PKD1L3: variants seen among roughly 807,000 people sequenced by gnomAD.
The protein encoded by PKD1L3 is polycystin 1 like 3, transient receptor potential channel interacting.
A neutral mutation model predicts 184.1 loss-of-function variants in PKD1L3; 239 were observed. The ratio of observed to expected loss-of-function variants is 1.30; its 90% CI spans 1.17 to 1.45. PKD1L3 has a LOEUF of 1.45. Ranked by LOEUF, PKD1L3 falls within the 40% of genes most tolerant of loss-of-function variation. The pLI is 0.00. For synonymous variants in PKD1L3, 996 were observed against 778.8 expected, an observed-to-expected ratio of 1.28 and a Z score of -4.64; for missense variants, 2,660 against 2,067.2, an observed-to-expected ratio of 1.29 and a Z score of -5.56.
At chr16:71,955,563 G>C (rs976721823) in intron 16 of PKD1L3, among the ~76,000 whole-genome samples, 10 of 152,032 alleles carry the variant, frequency 6.6e-5, no homozygotes, top group Non-Finnish European at 1.5e-4. Flanking sequence ...TGAGATCTCA[G>C]CTCATTGCAA....
In PKD1L3 at chr16:71,952,980, C is replaced by T; in HGVS notation, c.2923G>A (p.Glu975Lys). The T allele has an allele frequency of 6.5e-7, 1 of 1,549,808 alleles. No individual in the cohort carries two copies. The highest frequency in any genetic ancestry group is 8.7e-7 in the Non-Finnish European group (1 of 1,146,286). The change falls in exon 18 of 30, where the codon GAG becomes AAG. Residue 975 changes from glutamate (E) to lysine (K), a missense_variant. Physicochemically the swap from Glu to Lys is moderately conservative, Grantham distance 56. Coordinates refer to ENST00000620267, the MANE Select transcript of PKD1L3 (RefSeq NM_181536.2). ...GRLFPLIEPQ[E>K]TLPLFPPIQA... Reference sequence around the variant, plus strand: ...ATGGGAGGAAAGAGGGGCAGAGTCTCCTGTGGCTCAATCAACGGGAAGAGC... The same window carrying T: ...ATGGGAGGAAAGAGGGGCAGAGTCTTCTGTGGCTCAATCAACGGGAAGAGC...
chr16:71,989,179 C>G (rs4788594), intron 4 of PKD1L3, among the ~76,000 whole-genome samples: 72,134 of 152,016 alleles, frequency 0.47, 18,740 homozygotes, highest in African/African-American at 0.68. Flanking sequence ...TTTTGAGATG[C>G]AGTCTCCCTC....
intron 26 of PKD1L3, among the ~76,000 whole-genome samples, chr16:71,934,615 G>T (rs935780470): frequency 2.6e-5 from 4 of 152,162 alleles, no homozygotes; most frequent in African/African-American, 9.7e-5. Flanking sequence ...AGAGGCGAGG[G>T]GTGTTGCTTA....
rs755487914 is a variant in PKD1L3, at chr16:71,934,023, A to G, written c.4716T>C (p.Arg1572=). ...LATVQLWNLL[R]HSPRLRVISR... is the part of the protein sequence containing the mutation. Reference sequence around the variant, plus strand: ...TGATGACCCGCAGCCTGGGGCTATGACGCAGCAGGTTCCATAACTGAACAG... The same window carrying G: ...TGATGACCCGCAGCCTGGGGCTATGGCGCAGCAGGTTCCATAACTGAACAG... The change falls in exon 27 of 30, where the codon CGT becomes CGC. Residue 1572 remains arginine, a synonymous_variant. Coordinates refer to ENST00000620267, the MANE Select transcript of PKD1L3 (RefSeq NM_181536.2). 3.5e-5 allele frequency: 54 copies of G among 1,551,658 alleles called. No individual in the cohort carries two copies. The highest frequency in any genetic ancestry group is 1.7e-4 in the Middle Eastern group (1 of 6,018).
chr16:71,936,392 A>G (rs946185906), intron 25 of PKD1L3, among the ~76,000 whole-genome samples: 2 of 151,676 alleles, frequency 1.3e-5, no homozygotes, highest in Non-Finnish European at 2.9e-5. Flanking sequence ...TAGTAGAGAC[A>G]GGGTTTCGCC....
chr16:71,986,277 G>A lies in PKD1L3; in HGVS notation c.778C>T (p.His260Tyr), dbSNP rs1007971640. 1.0e-5 allele frequency: 16 copies of A among 1,552,218 alleles called. No individual in the cohort carries two copies. Among genetic ancestry groups the A allele is most frequent in the Non-Finnish European group, 1.4e-5 (16 of 1,147,068 alleles). The part of the protein sequence containing the change: ...ETTSSPKEEG[H>Y]PNTFTSYLQV... ...AGATAAGAGGTGAAGGTATTCGGAT[G>A]ACCTTCTTCCTTTGGGCTTGAAGTT... Residue 260 changes from histidine to tyrosine, a missense_variant, in exon 5 of 30, where the codon CAT (histidine) becomes TAT (tyrosine). By Grantham distance (83) the His-to-Tyr change is moderately conservative. Transcript: ENST00000620267.
intron 16 of PKD1L3, among the ~76,000 whole-genome samples, chr16:71,959,775 G>A (rs775323292): frequency 2.6e-5 from 4 of 152,024 alleles, no homozygotes; most frequent in Non-Finnish European, 4.4e-5. Context: ...AACAAGAGGA[G>A]AAAGAGGAAA....
At chr16:71,930,449 C>G (rs902707810) in intron 28 of PKD1L3, 1 of 291,516 alleles carries the variant, frequency 3.4e-6, no homozygotes, top group Non-Finnish European at 6.3e-6. Flanking sequence ...GGAAATGATT[C>G]AAATGTCACA....
intron 26 of PKD1L3, among the ~76,000 whole-genome samples, chr16:71,934,450 A>C (rs2038104647): frequency 6.6e-6 from 1 of 152,110 alleles, no homozygotes; most frequent in African/African-American, 2.4e-5. Flanking sequence ...CTCTGAGCCA[A>C]ATCTCTCCTC....
At chr16:71,963,374 A>G (rs1373598907) in intron 15 of PKD1L3, 23 bp from the exon 16 acceptor site, 1 of 1,528,452 alleles carries the variant, frequency 6.5e-7, no homozygotes, top group Admixed American at 2.1e-5. Context: ...GAAGATAACC[A>G]CATTAGGGAG....
intron 12 of PKD1L3, among the ~76,000 whole-genome samples, chr16:71,970,558 A>T (rs1290428385): frequency 6.6e-6 from 1 of 152,216 alleles, no homozygotes; most frequent in African/African-American, 2.4e-5. Context: ...CTGTAATCCT[A>T]GCACTTTGGG....
At chr16:71,946,940 G>A (rs1213365271) in intron 22 of PKD1L3, among the ~76,000 whole-genome samples, 1 of 150,036 alleles carries the variant, frequency 6.7e-6, no homozygotes, top group Non-Finnish European at 1.5e-5. Flanking sequence ...GAGAGAGAGG[G>A]AGAGAGAGAT....
intron 2 of PKD1L3, among the ~76,000 whole-genome samples, chr16:71,995,629 C>T (rs527256142): frequency 1.3e-5 from 2 of 152,128 alleles, no homozygotes; most frequent in Non-Finnish European, 2.9e-5. Flanking sequence ...TTTTTACAAC[C>T]AGTTCCCTCT....
chr16:71,943,992 T>G (rs2143252326), intron 23 of PKD1L3, 38 bp downstream of exon 23: 1 of 1,523,866 alleles, frequency 6.6e-7, no homozygotes, highest in Admixed American at 2.2e-5. Flanking sequence ...CTGGAAAAGG[T>G]GCTGTGTTAT....
intron 27 of PKD1L3, 43 bp from the exon 28 acceptor site, chr16:71,933,564 C>T (rs944709543): frequency 2.2e-6 from 3 of 1,387,178 alleles, no homozygotes; most frequent in Admixed American, 2.0e-5. Context: ...GCCGAGCGCA[C>T]ATCTTTCTAT....
intron 22 of PKD1L3, among the ~76,000 whole-genome samples, chr16:71,945,029 T>C (rs2038513721): frequency 1.3e-5 from 2 of 149,978 alleles, no homozygotes; most frequent in South Asian, 4.2e-4. Context: ...ACAAGCCCTG[T>C]TTTTGATAAT....
At position 71,999,723 on chromosome 16, in the gene PKD1L3, C is replaced by T. The variant is rs1462498182; in HGVS notation, c.256G>A (p.Val86Ile). The T allele has an allele frequency of 1.3e-6, 2 of 1,541,292 alleles. No individual in the cohort carries two copies. Among genetic ancestry groups the T allele is most frequent in the Non-Finnish European group, 1.7e-6 (2 of 1,145,652 alleles). Reference protein sequence around the residue: ...EGKKWWIGQNVMPLKKHQDNK... With the variant: ...EGKKWWIGQNIMPLKKHQDNK... The stretch of plus-strand genomic sequence containing the variant: ...TCTTGATGCTTTTTCAATGGCATTA[C>T]ATTTTGCCCAATCCACCACTTCTTT... The change falls in exon 1 of 30, where the codon GTA (valine) becomes ATA (isoleucine). Residue 86 changes from valine to isoleucine, a missense_variant. By Grantham distance (29) the Val-to-Ile change is conservative (BLOSUM62 3). Coordinates refer to ENST00000620267, the MANE Select transcript of PKD1L3 (RefSeq NM_181536.2).
At chr16:71,941,773 C>T (rs1452927533) in intron 24 of PKD1L3, among the ~76,000 whole-genome samples, 3 of 150,762 alleles carry the variant, frequency 2.0e-5, no homozygotes, top group Non-Finnish European at 4.4e-5. Context: ...TTAGTAGAGA[C>T]GGGGTGTCAC....
chr16:71,977,803 A>G (rs986662340), intron 10 of PKD1L3, among the ~76,000 whole-genome samples: 1 of 152,014 alleles, frequency 6.6e-6, no homozygotes, highest in African/African-American at 2.4e-5. Context: ...GAGACCAAGC[A>G]TTACTCTGTC....
Sources: allele counts gnomAD v4.1 joint callset (sites outside exome capture counted in the v4.1 genomes callset), GRCh38; gene constraint gnomAD v4.1.1; transcripts MANE v1.5; gene names NCBI Gene and HGNC (gene_info 2026-07-23, HGNC 2026-07-21).